IQCM: variants seen among roughly 807,000 people sequenced by gnomAD.
IQCM encodes IQ domain-containing protein M.
IQCM carries 45 observed loss-of-function variants against 57.6 expected under a neutral mutation model. The ratio of observed to expected loss-of-function variants is 0.78; its 90% CI spans 0.62 to 1.00. The LOEUF (loss-of-function observed/expected upper bound fraction) is 1.00, where lower values mean the gene tolerates loss of function less well. IQCM is among the 50% of genes least tolerant of loss of function. The probability of loss-of-function intolerance (pLI) is 0.00; values close to 1 mark genes in which losing one functional copy is unlikely to be tolerated. For missense variants in IQCM, 468 were observed against 511.6 expected, an observed-to-expected ratio of 0.91 and a Z score of 0.82; for synonymous variants, 148 against 158.9, an observed-to-expected ratio of 0.93 and a Z score of 0.51.
chr4:149,609,621 T>A (rs1167388532), intron 8 of IQCM, among the ~76,000 whole-genome samples: 2 of 151,744 alleles, frequency 1.3e-5, no homozygotes, highest in Non-Finnish European at 3.0e-5. Flanking sequence ...ACCAACAGAA[T>A]GAAGGACAAA....
intron 13 of IQCM, among the ~76,000 whole-genome samples, chr4:149,414,205 A>G (rs1299906477): frequency 6.6e-6 from 1 of 152,136 alleles, no homozygotes. Flanking sequence ...TTAATGAGTA[A>G]ATTCAGAGAA....
intron 7 of IQCM, among the ~76,000 whole-genome samples, chr4:149,679,455 A>G (rs1178898751): frequency 6.6e-6 from 1 of 151,664 alleles, no homozygotes; most frequent in Non-Finnish European, 1.5e-5. Context: ...TAGATAGATC[A>G]GCAGGGTAAC....
chr4:149,664,061 T>C (rs1177121533), intron 7 of IQCM, among the ~76,000 whole-genome samples: 1 of 152,152 alleles, frequency 6.6e-6, no homozygotes, highest in Non-Finnish European at 1.5e-5. Context: ...TAAATTTTTC[T>C]GCTTGATTAG....
At chr4:149,457,292 C>T (rs1737804196) in intron 12 of IQCM, among the ~76,000 whole-genome samples, 2 of 151,952 alleles carry the variant, frequency 1.3e-5, no homozygotes, top group Admixed American at 1.3e-4. Flanking sequence ...TGTACACAGG[C>T]CCTGGAAATC....
chr4:149,416,696 G>A (rs1352317884), intron 13 of IQCM, among the ~76,000 whole-genome samples: 1 of 152,140 alleles, frequency 6.6e-6, no homozygotes, highest in South Asian at 2.1e-4. Context: ...ATAATTTTAG[G>A]TATTGATTAG....
intron 10 of IQCM, 83 bp downstream of exon 10, chr4:149,563,609 G>A: frequency 2.2e-6 from 2 of 922,278 alleles, no homozygotes; most frequent in South Asian, 5.6e-5. Context: ...TATGTACATT[G>A]ACCAGATGAC....
chr4:149,723,189 G>C (rs1219936847), intron 5 of IQCM, among the ~76,000 whole-genome samples: 1 of 151,966 alleles, frequency 6.6e-6, no homozygotes, highest in Non-Finnish European at 1.5e-5. Context: ...TCTTTTGGAG[G>C]AGTCTTTAGG....
chr4:149,472,965 A>C (rs758772542), intron 12 of IQCM, among the ~76,000 whole-genome samples: 99 of 152,216 alleles, frequency 6.5e-4, no homozygotes, highest in Non-Finnish European at 1.2e-3. Context: ...CTTATACAAA[A>C]ATTAATTCAA....
In IQCM at chr4:149,435,436, C is replaced by A. The variant is rs185312369; in HGVS notation, c.1229-1879G>T. On this transcript the variant is annotated intron_variant, in intron 12 of 13. Coordinates refer to ENST00000636793, the MANE Select transcript of IQCM (RefSeq NM_001363507.2). ...GATGCTGGTGTAAATAATGTTACTG[C>A]ACTGCCAGTAATATTAATGTACAGA... Among the ~76,000 whole-genome samples the A allele has an allele frequency of 2.8e-3, 430 of 152,160 alleles. 7 individuals are homozygous for A. Among genetic ancestry groups the A allele is most frequent in the African/African-American group, 9.8e-3 (408 of 41,524 alleles).
chr4:149,379,417 A>T (rs1024104303), intron 13 of IQCM, among the ~76,000 whole-genome samples: 5 of 152,166 alleles, frequency 3.3e-5, no homozygotes, highest in Non-Finnish European at 7.3e-5. Flanking sequence ...AAGCCATAGA[A>T]GTGGAGCTGC....
chr4:149,541,700 G>A (rs1213705085), intron 12 of IQCM, among the ~76,000 whole-genome samples: 1 of 151,746 alleles, frequency 6.6e-6, no homozygotes, highest in Non-Finnish European at 1.5e-5. Flanking sequence ...CCCAAAGTAA[G>A]ATTTTTAGAC....
chr4:149,379,825 T>C lies in IQCM; in HGVS notation c.1391-27759A>G, dbSNP rs116937263. ...TTGGAAGGGGCCAAGTGTGGAATCATAGGGTTTGCCTGTGTCCTCACCCAA... is the reference window on the plus strand; with the variant it reads ...TTGGAAGGGGCCAAGTGTGGAATCACAGGGTTTGCCTGTGTCCTCACCCAA... On this transcript the variant is annotated intron_variant, in intron 13 of 13. Coordinates refer to ENST00000636793, the MANE Select transcript of IQCM (RefSeq NM_001363507.2). Among the ~76,000 whole-genome samples, 558 of 152,274 alleles carry C rather than the reference T, an allele frequency of 3.7e-3. 14 individuals are homozygous for C. In the East Asian group the frequency reaches 0.071, roughly 20 times the overall value.
intron 2 of IQCM, among the ~76,000 whole-genome samples, chr4:149,753,300 C>T (rs1368205985): frequency 6.6e-6 from 1 of 151,514 alleles, no homozygotes; most frequent in African/African-American, 2.4e-5. Context: ...TAAGACTCTA[C>T]CAAGAGACAG....
chr4:149,530,896 C>T (rs952801792), intron 12 of IQCM, among the ~76,000 whole-genome samples: 2 of 144,926 alleles, frequency 1.4e-5, no homozygotes, highest in Non-Finnish European at 3.0e-5. Context: ...TAGAGAGGCA[C>T]AGATTCCTAA....
chr4:149,611,399 C>T (rs1755271541), intron 8 of IQCM, among the ~76,000 whole-genome samples: 1 of 151,966 alleles, frequency 6.6e-6, no homozygotes, highest in East Asian at 1.9e-4. Context: ...TTTGTTGCAC[C>T]ACTATTCACA....
At chr4:149,788,245 G>T (rs1772253070) in intron 2 of IQCM, among the ~76,000 whole-genome samples, 1 of 152,068 alleles carries the variant, frequency 6.6e-6, no homozygotes, top group East Asian at 1.9e-4. Flanking sequence ...AAGGCAGGAG[G>T]ATCGCTTGAA....
At chr4:149,427,085 G>A (rs11931867) in intron 13 of IQCM, among the ~76,000 whole-genome samples, 2,522 of 151,706 alleles carry the variant, frequency 0.017, 62 homozygotes, top group African/African-American at 0.057. Context: ...ATTTCTAGAT[G>A]TTCTTCCTAG....
At chr4:149,369,832 G>A (rs186706099) in intron 13 of IQCM, among the ~76,000 whole-genome samples, 1 of 152,056 alleles carries the variant, frequency 6.6e-6, no homozygotes, top group Non-Finnish European at 1.5e-5. Context: ...ACTTTGCAAA[G>A]CAATATCTCA....
At chr4:149,643,106 G>C (rs1758341400) in intron 7 of IQCM, among the ~76,000 whole-genome samples, 2 of 151,870 alleles carry the variant, frequency 1.3e-5, no homozygotes, top group Non-Finnish European at 2.9e-5. Flanking sequence ...TACTTAACCA[G>C]ACATAGGAAC....
Sources: gnomAD v4.1 joint callset for allele counts (sites outside exome capture counted in the v4.1 genomes callset) on GRCh38, gnomAD v4.1.1 for gene constraint, MANE v1.5 for transcripts, NCBI Gene and HGNC (gene_info 2026-07-23, HGNC 2026-07-21) for gene names.